The following PRMT8 variants were observed in gnomAD, a reference collection of about 807,000 sequenced individuals.
PRMT8 encodes protein arginine N-methyltransferase 8.
In PRMT8, 7 loss-of-function variants were observed where a neutral mutation model predicts 47.1. The observed-to-expected ratio is 0.15, with a 90% CI of 0.08 to 0.28. PRMT8 has a LOEUF of 0.28. Ranked by LOEUF, PRMT8 falls within the 10% of genes least tolerant of loss-of-function variation. PRMT8 has a pLI of 1.00. For synonymous variants in PRMT8, 188 were observed against 186.5 expected, an observed-to-expected ratio of 1.01 and a Z score of -0.07; for missense variants, 237 against 505.4, an observed-to-expected ratio of 0.47 and a Z score of 5.09.
intron 1 of PRMT8, among the ~76,000 whole-genome samples, chr12:3,439,405 A>G (rs895601729): frequency 6.6e-6 from 1 of 152,094 alleles, no homozygotes; most frequent in African/African-American, 2.4e-5. Context: ...ACCTTGGGAA[A>G]GCTTGAGAGA....
intron 1 of PRMT8, among the ~76,000 whole-genome samples, chr12:3,393,525 G>T (rs1864216560): frequency 6.6e-6 from 1 of 152,120 alleles, no homozygotes; most frequent in African/African-American, 2.4e-5. Flanking sequence ...GATAGTTGTA[G>T]ACATGTGGTG....
intron 1 of PRMT8, among the ~76,000 whole-genome samples, chr12:3,400,094 A>G (rs921786041): frequency 2.0e-5 from 3 of 152,168 alleles, no homozygotes; most frequent in Admixed American, 6.5e-5. Context: ...CATCTCAACT[A>G]AAAGAACTAG....
At chr12:3,478,253 C>T (rs1214452996) in intron 1 of PRMT8, among the ~76,000 whole-genome samples, 1 of 147,770 alleles carries the variant, frequency 6.8e-6, no homozygotes, top group Non-Finnish European at 1.5e-5. Context: ...ATCTATTGAT[C>T]CACCTATCAT....
intron 1 of PRMT8, among the ~76,000 whole-genome samples, chr12:3,394,725 T>A (rs1369353137): frequency 1.3e-5 from 2 of 152,110 alleles, no homozygotes; most frequent in African/African-American, 4.8e-5. Flanking sequence ...GCTGGCCTCA[T>A]AAAATGAGTT....
Position 3,409,397 on chromosome 12 carries a change from G to C in PRMT8, c.48+27955G>C, listed in dbSNP as rs993067046. Among the ~76,000 whole-genome samples, 5 of 152,188 alleles carry C rather than the reference G, an allele frequency of 3.3e-5. No homozygotes were observed. Among genetic ancestry groups the C allele is most frequent in the African/African-American group, 9.7e-5 (4 of 41,448 alleles). On this transcript the variant is annotated intron_variant, in intron 1 of 9. Coordinates refer to the PRMT8 transcript ENST00000452611. This position sits in a 1 kb window ranked among gnomAD's most constrained non-coding sequence, Gnocchi z 4.4. ...GCCCTGGGGAATAAGGCACCACGTA[G>C]TGGTGTCTCTAGACCTTGGGATGGT...
intron 1 of PRMT8, among the ~76,000 whole-genome samples, chr12:3,398,314 T>A (rs79345814): frequency 0.016 from 2,429 of 152,316 alleles, 38 homozygotes; most frequent in South Asian, 0.034. Flanking sequence ...AAAGGTGGGA[T>A]TCAGCCCATT....
At chr12:3,497,366 G>A (rs1263945010) in intron 1 of PRMT8, among the ~76,000 whole-genome samples, 1 of 152,192 alleles carries the variant, frequency 6.6e-6, no homozygotes, top group African/African-American at 2.4e-5. Flanking sequence ...TTGTTAAAAA[G>A]CTTCAGAGAA....
chr12:3,391,896 T>C (rs896650088), intron 1 of PRMT8, among the ~76,000 whole-genome samples: 1 of 152,138 alleles, frequency 6.6e-6, no homozygotes, highest in African/African-American at 2.4e-5. Flanking sequence ...GCACTCTGAA[T>C]TGATGAATGA....
rs144172227 is a variant in PRMT8 at position 3,552,419 on chromosome 12, AC to A, written c.418-1231del. The A allele has an allele frequency of 0.056, 12,795 of 228,262 alleles. 481 individuals are homozygous for A. The highest frequency in any genetic ancestry group is 0.12 in the East Asian group (935 of 8,070). 14.1% of individuals were successfully genotyped at this position (228,262 alleles called of 1,614,324 possible). A position where few individuals can be genotyped will look rare whatever the true frequency, so the allele number is the denominator to read the frequency against. On this transcript the variant is annotated intron_variant, in intron 3 of 9. Coordinates refer to ENST00000382622, the MANE Select transcript of PRMT8 (RefSeq NM_019854.5). This position sits in a 1 kb window ranked among gnomAD's most constrained non-coding sequence, Gnocchi z 4.5. ...GGGGGCTTCGACTTCTCTCGGGAGG[AC>A]ACTGAGGCGCAGTTAGGAAGGGCAG...
At chr12:3,437,053 A>C (rs1027069635) in intron 1 of PRMT8, among the ~76,000 whole-genome samples, 1 of 152,206 alleles carries the variant, frequency 6.6e-6, no homozygotes, top group Admixed American at 6.5e-5. Context: ...CAGTTCTGAC[A>C]ATTCAAATGA....
At chr12:3,429,106 G>T (rs572467736) in intron 1 of PRMT8, among the ~76,000 whole-genome samples, 3 of 152,102 alleles carry the variant, frequency 2.0e-5, no homozygotes, top group Admixed American at 6.6e-5. Context: ...GCCTCTGTCA[G>T]CTGCTTATGC....
intron 6 of PRMT8, among the ~76,000 whole-genome samples, chr12:3,573,495 C>T (rs996090343): frequency 1.3e-5 from 2 of 152,068 alleles, no homozygotes; most frequent in Admixed American, 6.5e-5. Flanking sequence ...TGACTTTTTT[C>T]TTATGATGAT....
At chr12:3,408,116 A>C (rs771087160) in intron 1 of PRMT8, among the ~76,000 whole-genome samples, 1 of 150,824 alleles carries the variant, frequency 6.6e-6, no homozygotes, top group African/African-American at 2.4e-5. Context: ...TTTATTTAAT[A>C]TTTCTACTTC....
At position 3,453,559 on chromosome 12, in the gene PRMT8, G is replaced by C. The variant is rs1294452856; in HGVS notation, c.48+72117G>C. ...CTGGGGAAGCCAGACGCTGCATTCC[G>C]CATGCCATCGTGACCTTGAAGTAGG... On this transcript the variant is annotated intron_variant, in intron 1 of 9. Transcript: ENST00000452611. The surrounding 1 kb of genome is among the most constrained non-coding windows in gnomAD (Gnocchi z 4.9). 6.6e-6 allele frequency among the ~76,000 whole-genome samples: 1 copy of C among 152,196 alleles called. No individual in the cohort carries two copies. Among genetic ancestry groups the C allele is most frequent in the South Asian group, 2.1e-4 (1 of 4,828 alleles).
intron 1 of PRMT8, among the ~76,000 whole-genome samples, chr12:3,400,749 A>G (rs1266314765): frequency 6.6e-6 from 1 of 152,218 alleles, no homozygotes; most frequent in Non-Finnish European, 1.5e-5. Context: ...CATCAGTGCA[A>G]AAATCCTCAA....
chr12:3,579,864 T>C (rs1867021615), intron 7 of PRMT8, among the ~76,000 whole-genome samples: 1 of 152,210 alleles, frequency 6.6e-6, no homozygotes, highest in South Asian at 2.1e-4. Context: ...GAGTAATTTA[T>C]GCTGGTGAAG....
chr12:3,512,832 G>A (rs1178749857), intron 1 of PRMT8, among the ~76,000 whole-genome samples: 1 of 152,180 alleles, frequency 6.6e-6, no homozygotes, highest in African/African-American at 2.4e-5. Flanking sequence ...CCTGCTCAGG[G>A]GAGTAATGCA....
chr12:3,524,009 T>C (rs776139327), intron 1 of PRMT8, among the ~76,000 whole-genome samples: 3 of 152,232 alleles, frequency 2.0e-5, no homozygotes, highest in Non-Finnish European at 2.9e-5. Flanking sequence ...CTGGTGGTAC[T>C]GTGGGAAGAG....
At chr12:3,471,901 A>G (rs1343603282) in intron 1 of PRMT8, among the ~76,000 whole-genome samples, 4 of 151,888 alleles carry the variant, frequency 2.6e-5, no homozygotes, top group Admixed American at 6.6e-5. Context: ...CTCTGCTTAC[A>G]TTGATGGTAA....
Sources: allele counts gnomAD v4.1 joint callset (sites outside exome capture counted in the v4.1 genomes callset), GRCh38; gene constraint gnomAD v4.1.1; non-coding constraint Gnocchi (gnomAD v3.1); transcripts MANE v1.5; gene names NCBI Gene and HGNC (gene_info 2026-07-23, HGNC 2026-07-21).